The following ATP8B4 variants were observed in gnomAD, a reference collection of about 807,000 sequenced individuals.
ATP8B4 encodes ATPase phospholipid transporting 8B4 (putative).
In ATP8B4, 133 loss-of-function variants were observed where a neutral mutation model predicts 145.6. The observed-to-expected ratio is 0.91, with a 90% CI of 0.79 to 1.05. ATP8B4 has a LOEUF of 1.05. ATP8B4 is among the 50% of genes least tolerant of loss of function. ATP8B4 has a pLI of 0.00. For missense variants in ATP8B4, 1,458 were observed against 1,425.2 expected (o/e 1.02, Z -0.37); for synonymous variants, 507 against 492.9 (o/e 1.03, Z -0.38).
At position 50,038,814 on chromosome 15, in the gene ATP8B4, C is replaced by A; in HGVS notation, c.316G>T (p.Asp106Tyr). 1.2e-6 allele frequency: 2 copies of A among 1,613,586 alleles called. No individual in the cohort carries two copies. The change falls in exon 6 of 28, where the codon GAT becomes TAT. Residue 106 changes from aspartate to tyrosine, a missense_variant. Physicochemically the swap from Asp to Tyr is radical, Grantham distance 160. Coordinates refer to ENST00000284509, the MANE Select transcript of ATP8B4 (RefSeq NM_024837.4). ...ATDDYFRHKS[D>Y]NQVNNRQSEV... ...GACTGCCGATTATTCACTTGATTAT[C>A]ACTCTTGTGGCGAAACTGAAAAATC... is the stretch of plus-strand genomic sequence containing the variant.
rs1297036671 is a variant in ATP8B4, at chr15:49,859,582, T to C, written c.*612A>G. The C allele has an allele frequency of 6.6e-6, 1 of 152,320 alleles. No homozygotes were observed. Among genetic ancestry groups the C allele is most frequent in the Non-Finnish European group, 1.5e-5 (1 of 68,132 alleles). The allele number at this position is 152,320 out of a possible 1,614,324, so 9.4% of individuals were successfully genotyped here. On this transcript the variant is annotated 3_prime_UTR_variant, in exon 28 of 28. Transcript: ENST00000284509. ...AAAGATGTTCAGTCTCCTTTGTCCC[T>C]AGACTGGTATAAAAATGAGAAACAC...
intron 7 of ATP8B4, among the ~76,000 whole-genome samples, chr15:50,008,174 T>C (rs997232731): frequency 1.3e-5 from 2 of 152,134 alleles, no homozygotes; most frequent in Non-Finnish European, 2.9e-5. Flanking sequence ...ATAAAATTGA[T>C]AGCGTGGAAG....
In ATP8B4 at chr15:49,923,380, C is replaced by G. The variant is rs1238118234; in HGVS notation, c.1757G>C (p.Ser586Thr). 6 of 1,602,860 alleles carry G rather than the reference C, an allele frequency of 3.7e-6. No individual in the cohort carries two copies. The highest frequency in any genetic ancestry group is 1.3e-5 in the African/African-American group (1 of 74,572). ...TAACCTTAAGACGGAGGCACTTACACTGAGGTGGTCTGACGTCAAAGACAA... is the reference window on the plus strand; with the variant it reads ...TAACCTTAAGACGGAGGCACTTACAGTGAGGTGGTCTGACGTCAAAGACAA... Reference protein sequence around the residue: ...VLLSLTSDHLSEFAGEGLRTL... With the variant: ...VLLSLTSDHLTEFAGEGLRTL... The change falls in exon 17 of 28, where the codon AGT (serine) becomes ACT (threonine). Residue 586 changes from serine to threonine, a missense_variant and splice_region_variant. Ser to Thr is a moderately conservative substitution (Grantham distance 58). Transcript: ENST00000284509.
chr15:50,031,568 G>T (rs917744502), intron 6 of ATP8B4, among the ~76,000 whole-genome samples: 10 of 151,652 alleles, frequency 6.6e-5, no homozygotes, highest in Non-Finnish European at 1.2e-4. Flanking sequence ...TGATCTTTGG[G>T]TTTTTTTTTG....
intron 20 of ATP8B4, among the ~76,000 whole-genome samples, chr15:49,909,301 A>T (rs560331322): frequency 5.9e-5 from 9 of 152,142 alleles, no homozygotes; most frequent in African/African-American, 1.9e-4. Context: ...CACAGCTAGC[A>T]CCCACCTGCA....
chr15:50,110,155 C>T (rs969070611), intron 1 of ATP8B4, among the ~76,000 whole-genome samples: 10 of 152,036 alleles, frequency 6.6e-5, no homozygotes, highest in African/African-American at 2.4e-4. Context: ...ATGAAATAAA[C>T]AATATTTCTA....
chr15:49,921,606 C>G (rs886152397), intron 17 of ATP8B4, among the ~76,000 whole-genome samples: 4 of 152,130 alleles, frequency 2.6e-5, no homozygotes, highest in Non-Finnish European at 5.9e-5. Context: ...ATTTCTGCTC[C>G]TTTGGGTATT....
intron 16 of ATP8B4, among the ~76,000 whole-genome samples, chr15:49,928,912 G>A (rs1166059819): frequency 6.6e-6 from 1 of 152,044 alleles, no homozygotes; most frequent in Admixed American, 6.6e-5. Flanking sequence ...GATAGTATTT[G>A]AGGATCTATT....
At chr15:50,170,040 AC>A (rs1409489807) in intron 1 of ATP8B4, among the ~76,000 whole-genome samples, 2 of 152,142 alleles carry the variant, frequency 1.3e-5, no homozygotes, top group Non-Finnish European at 2.9e-5. Context: ...ATGTTAAATG[AC>A]CAAACCTAAA....
At chr15:49,923,853 T>C (rs1343532968) in intron 16 of ATP8B4, among the ~76,000 whole-genome samples, 2 of 152,206 alleles carry the variant, frequency 1.3e-5, no homozygotes, top group Non-Finnish European at 2.9e-5. Context: ...TTTGCCTGTC[T>C]CCTGGTGTGA....
At chr15:50,106,849 C>G (rs1595572406) in intron 2 of ATP8B4, 90 bp downstream of exon 2, 1 of 1,331,344 alleles carries the variant, frequency 7.5e-7, no homozygotes, top group Admixed American at 2.3e-5. Flanking sequence ...GACCTGTGTG[C>G]TTTTTATATA....
intron 7 of ATP8B4, 134 bp from the exon 8 acceptor site, chr15:50,002,357 T>G: frequency 1.5e-6 from 1 of 670,718 alleles, no homozygotes; most frequent in South Asian, 2.0e-5. Flanking sequence ...GAGATCCTGT[T>G]CTACCTCTAT....
intron 6 of ATP8B4, among the ~76,000 whole-genome samples, chr15:50,021,199 C>T (rs1369729851): frequency 1.3e-5 from 2 of 152,138 alleles, no homozygotes; most frequent in African/African-American, 4.8e-5. Flanking sequence ...TCCTTCACTG[C>T]TAACACTCAT....
chr15:50,145,920 A>G (rs2044269946), intron 1 of ATP8B4, among the ~76,000 whole-genome samples: 1 of 152,200 alleles, frequency 6.6e-6, no homozygotes, highest in African/African-American at 2.4e-5. Context: ...ACCTAAAGCA[A>G]AAGGATGAAA....
intron 1 of ATP8B4, among the ~76,000 whole-genome samples, chr15:50,133,133 A>G (rs1056462594): frequency 1.3e-5 from 2 of 152,220 alleles, no homozygotes; most frequent in African/African-American, 2.4e-5. Flanking sequence ...GAAGTTTTGT[A>G]CATACAATGG....
At chr15:50,107,476 C>A (rs1036298040) in intron 1 of ATP8B4, among the ~76,000 whole-genome samples, 2 of 152,166 alleles carry the variant, frequency 1.3e-5, no homozygotes, top group Non-Finnish European at 2.9e-5. Flanking sequence ...AATTTATTCT[C>A]ATGAACGTAG....
chr15:50,167,708 C>T (rs1392191806), intron 1 of ATP8B4, among the ~76,000 whole-genome samples: 1 of 152,144 alleles, frequency 6.6e-6, no homozygotes, highest in Non-Finnish European at 1.5e-5. Flanking sequence ...GGGTTATAGT[C>T]CTTGCTTCAC....
chr15:50,056,317 T>TGAGAAAGCAAAAACATACAGA (rs2052592676), intron 3 of ATP8B4, among the ~76,000 whole-genome samples: 1 of 152,134 alleles, frequency 6.6e-6, no homozygotes, highest in African/African-American at 2.4e-5. Context: ...GACCCTCCCA[T>TGAGAAAGCAAAAACATACAGA]CATCGAGTAA....
At chr15:49,937,490 A>C (rs140970125) in intron 14 of ATP8B4, among the ~76,000 whole-genome samples, 1 of 152,320 alleles carries the variant, frequency 6.6e-6, no homozygotes, top group African/African-American at 2.4e-5. Context: ...TATAGTTCAC[A>C]ATATTTAAGG....
Sources: gnomAD v4.1 joint callset for allele counts (sites outside exome capture counted in the v4.1 genomes callset) on GRCh38, gnomAD v4.1.1 for gene constraint, MANE v1.5 for transcripts, NCBI Gene and HGNC (gene_info 2026-07-23, HGNC 2026-07-21) for gene names.